The following COG7 variants were observed in gnomAD, a reference collection of about 807,000 sequenced individuals.
COG7 encodes the protein component of oligomeric golgi complex 7, also known as conserved oligomeric Golgi complex subunit 7.
COG7 carries 49 observed loss-of-function variants against 91.5 expected under a neutral mutation model. That is an observed-to-expected ratio of 0.54 (90% CI 0.43 to 0.68). The LOEUF (loss-of-function observed/expected upper bound fraction) is 0.68. Ranked by LOEUF, COG7 falls within the 30% of genes least tolerant of loss-of-function variation. The pLI is 0.00. For missense variants in COG7, 895 were observed against 961.3 expected, an observed-to-expected ratio of 0.93 and a Z score of 0.91; for synonymous variants, 365 against 388.7, an observed-to-expected ratio of 0.94 and a Z score of 0.72.
intron 5 of COG7, among the ~76,000 whole-genome samples, chr16:23,434,211 G>T (rs1163835230): frequency 7.2e-5 from 11 of 152,130 alleles, no homozygotes; most frequent in Admixed American, 7.2e-4. Context: ...GGAGTTCAAG[G>T]CTGTAGTGCA....
At chr16:23,389,554 C>T (rs887768517) in intron 16 of COG7, among the ~76,000 whole-genome samples, 12 of 152,160 alleles carry the variant, frequency 7.9e-5, no homozygotes, top group African/African-American at 2.9e-4. Flanking sequence ...CTCCTGGGTT[C>T]CAAGCCCTGG....
At chr16:23,399,090 A>C (rs1214528292) in intron 13 of COG7, among the ~76,000 whole-genome samples, 7 of 152,238 alleles carry the variant, frequency 4.6e-5, no homozygotes, top group East Asian at 1.9e-4. Flanking sequence ...GTCTGCAGCC[A>C]CCTGATGTTG....
chr16:23,449,744 T>TC lies in COG7; in HGVS notation c.169+3081dup, dbSNP rs1218211522. Among the ~76,000 whole-genome samples, 67 of 123,788 alleles carry TC rather than the reference T, an allele frequency of 5.4e-4. 1 individual carries two copies. The highest frequency in any genetic ancestry group is 5.2e-4 in the Admixed American group (6 of 11,650). 81.2% of individuals were successfully genotyped at this position (123,788 alleles called of 152,430 possible). On this transcript the variant is annotated intron_variant, in intron 1 of 16. Coordinates refer to ENST00000307149, the MANE Select transcript of COG7 (RefSeq NM_153603.4). ...CCATCCTGGGCAACAAGATTGAAAC[T>TC]CCATCTCAAAAAAAAAAAAAAAACC... is the stretch of plus-strand genomic sequence containing the variant.
At chr16:23,432,005 G>C (rs982623660) in intron 6 of COG7, among the ~76,000 whole-genome samples, 4 of 151,892 alleles carry the variant, frequency 2.6e-5, no homozygotes, top group Non-Finnish European at 5.9e-5. Flanking sequence ...TAATTAGCCA[G>C]GCATGGTGGC....
intron 6 of COG7, among the ~76,000 whole-genome samples, chr16:23,427,056 C>T (rs761768154): frequency 1.7e-4 from 26 of 152,018 alleles, no homozygotes; most frequent in Admixed American, 1.1e-3. Flanking sequence ...TGAGACCAGC[C>T]TGGGCAACAA....
At chr16:23,450,183 C>T (rs1964244663) in intron 1 of COG7, among the ~76,000 whole-genome samples, 2 of 152,106 alleles carry the variant, frequency 1.3e-5, no homozygotes, top group Non-Finnish European at 2.9e-5. Context: ...GATTCTCTCG[C>T]CTCAGCCTTC....
At chr16:23,447,888 G>A in intron 1 of COG7, among the ~76,000 whole-genome samples, 1 of 151,936 alleles carries the variant, frequency 6.6e-6, no homozygotes. Flanking sequence ...AACAGAGTGA[G>A]ACTCCATCTC....
intron 6 of COG7, among the ~76,000 whole-genome samples, chr16:23,428,616 G>A (rs535756043): frequency 6.6e-6 from 1 of 151,226 alleles, no homozygotes; most frequent in Non-Finnish European, 1.5e-5. Flanking sequence ...CAAGGATGTG[G>A]AACAACCAGA....
In COG7 at chr16:23,429,752, G is replaced by A. The variant is rs577457618; in HGVS notation, c.810+3793C>T. Among the ~76,000 whole-genome samples the A allele has an allele frequency of 9.9e-5, 15 of 151,736 alleles. No individual in the cohort carries two copies. In the South Asian group the frequency reaches 2.5e-3, roughly 25 times the overall value. On this transcript the variant is annotated intron_variant, in intron 6 of 16. Transcript: ENST00000307149. The stretch of plus-strand genomic sequence containing the variant: ...GTACTCCAGCCTCGGCAACAACAGC[G>A]AAACTCCGTCTCAAAAAAAAAAGTG...
intron 7 of COG7, among the ~76,000 whole-genome samples, chr16:23,419,034 T>C (rs1963705788): frequency 6.6e-6 from 1 of 152,234 alleles, no homozygotes; most frequent in African/African-American, 2.4e-5. Flanking sequence ...GCTTTGCACA[T>C]TGTTTGCCTA....
intron 15 of COG7, among the ~76,000 whole-genome samples, chr16:23,392,853 C>T (rs1963222810): frequency 1.3e-5 from 2 of 152,068 alleles, no homozygotes; most frequent in South Asian, 4.1e-4. Flanking sequence ...ATTGCTTGAA[C>T]CCAGGAGGCG....
intron 6 of COG7, among the ~76,000 whole-genome samples, chr16:23,429,505 G>A (rs1367589401): frequency 4.6e-5 from 7 of 152,136 alleles, no homozygotes. Context: ...GCTCACGCTT[G>A]TAATCCCAGC....
At chr16:23,440,940 T>C (rs923418216) in intron 4 of COG7, among the ~76,000 whole-genome samples, 1 of 151,790 alleles carries the variant, frequency 6.6e-6, no homozygotes, top group Non-Finnish European at 1.5e-5. Context: ...AGGAGGGGAC[T>C]GAGAGGGAGC....
intron 10 of COG7, among the ~76,000 whole-genome samples, chr16:23,411,190 A>T (rs1327948696): frequency 6.6e-6 from 1 of 152,206 alleles, no homozygotes; most frequent in Non-Finnish European, 1.5e-5. Context: ...TCCGTATTGA[A>T]TGATCCTTTA....
At position 23,394,810 on chromosome 16, in the gene COG7, C is replaced by CT. The variant is rs5816212; in HGVS notation, c.1888-1464dup. On this transcript the variant is annotated intron_variant, in intron 14 of 16. Transcript: ENST00000307149. ...GTTTGGTGTTCCTTTTTTCTTTTTT[C>CT]TTTTTTTTTTTTGAGACAGAGTTTT... 2.2e-3 allele frequency: 315 copies of CT among 144,716 alleles called. 1 individual carries two copies. Among genetic ancestry groups the CT allele is most frequent in the African/African-American group, 5.6e-3 (221 of 39,674 alleles). 9.0% of individuals were successfully genotyped at this position (144,716 alleles called of 1,614,324 possible). A position where few individuals can be genotyped will look rare whatever the true frequency, so the allele number is the denominator to read the frequency against.
intron 6 of COG7, among the ~76,000 whole-genome samples, chr16:23,425,946 G>A (rs1226262000): frequency 6.6e-6 from 1 of 152,178 alleles, no homozygotes. Flanking sequence ...AGGTGTGGTG[G>A]CTCATGCCTG....
chr16:23,444,733 T>C (rs1964154964), intron 3 of COG7, among the ~76,000 whole-genome samples: 1 of 152,054 alleles, frequency 6.6e-6, no homozygotes, highest in Non-Finnish European at 1.5e-5. Flanking sequence ...CTCAAACTCC[T>C]GGCCTCAAGT....
chr16:23,395,493 C>T (rs976608144), intron 14 of COG7, among the ~76,000 whole-genome samples: 24 of 152,232 alleles, frequency 1.6e-4, no homozygotes, highest in African/African-American at 5.5e-4. Context: ...AATTTCAAAG[C>T]ATTTTCTCCT....
In COG7 at chr16:23,424,836, C is replaced by T. The variant is rs758616225; in HGVS notation, c.922G>A (p.Glu308Lys). Residue 308 changes from glutamate to lysine, a missense_variant, in exon 7 of 17, where the codon GAG (glutamate) becomes AAG (lysine). By Grantham distance (56) the Glu-to-Lys change is moderately conservative. Transcript: ENST00000307149. The part of the protein sequence containing the change: ...LSNGVERAGP[E>K]QELTRLLEFY... ...TCCAGCAGCCTGGTGAGCTCCTGCTCGGGCCCTGCCCTCTCCACGCCGTTG... is the reference window on the plus strand; with the variant it reads ...TCCAGCAGCCTGGTGAGCTCCTGCTTGGGCCCTGCCCTCTCCACGCCGTTG... The T allele has an allele frequency of 6.2e-6, 10 of 1,614,086 alleles. No homozygotes were observed. The African/African-American group carries it at 9.3e-5, about 15-fold the overall frequency.
Sources: allele counts gnomAD v4.1 joint callset (sites outside exome capture counted in the v4.1 genomes callset), GRCh38; gene constraint gnomAD v4.1.1; transcripts MANE v1.5; gene names NCBI Gene and HGNC (gene_info 2026-07-23, HGNC 2026-07-21).